Variants in NF1 observed in about 807,000 individuals in gnomAD.
NF1 encodes the protein neurofibromin 1.
A neutral mutation model predicts 325.7 loss-of-function variants in NF1; 122 were observed. The ratio of observed to expected loss-of-function variants is 0.37; its 90% CI spans 0.32 to 0.44. The LOEUF is 0.44. Ranked by LOEUF, NF1 falls within the 20% of genes least tolerant of loss-of-function variation. The pLI is 1.00. For missense variants in NF1, 2,140 were observed against 3,415.4 expected, an observed-to-expected ratio of 0.63 and a Z score of 9.31; for synonymous variants, 1,091 against 1,186.0, an observed-to-expected ratio of 0.92 and a Z score of 1.65.
At chr17:31,306,193 A>G (rs527544431) in intron 36 of NF1, among the ~76,000 whole-genome samples, 3 of 151,916 alleles carry the variant, frequency 2.0e-5, no homozygotes, top group Non-Finnish European at 2.9e-5. Flanking sequence ...TGTTACTCTC[A>G]CTAGCTCTTT....
chr17:31,370,817 C>CCCT (rs2070622115), intron 57 of NF1, among the ~76,000 whole-genome samples: 1 of 152,094 alleles, frequency 6.6e-6, no homozygotes, highest in Non-Finnish European at 1.5e-5. Context: ...TGCTTCATGC[C>CCCT]CCTCCTGCAT....
intron 57 of NF1, chr17:31,367,109 A>T (rs2070539139): frequency 2.4e-6 from 1 of 408,948 alleles, no homozygotes; most frequent in East Asian, 9.5e-5. Context: ...TTAAAACCAG[A>T]TTCCTTCTGA....
chr17:31,160,475 C>T (rs773702761), intron 3 of NF1, among the ~76,000 whole-genome samples: 1 of 152,124 alleles, frequency 6.6e-6, no homozygotes, highest in Admixed American at 6.6e-5. Context: ...TACTTAAAAT[C>T]GAAGGTGAGC....
rs572864077 is a variant in NF1 at position 31,267,145 on chromosome 17, G to A, written c.4835+1806G>A. Among the ~76,000 whole-genome samples the A allele has an allele frequency of 9.9e-5, 15 of 152,140 alleles. No individual in the cohort carries two copies. In the East Asian group the frequency reaches 2.7e-3, roughly 27 times the overall value. On this transcript the variant is annotated intron_variant, in intron 36 of 57. Coordinates refer to ENST00000358273, the MANE Select transcript of NF1 (RefSeq NM_001042492.3). ...GGGGTTTCACCATATTGGCCAGGCT[G>A]GTCTTGAACTCCTGACCTCAGGTGA... is the stretch of plus-strand genomic sequence containing the variant.
chr17:31,307,813 T>C, intron 36 of NF1: 3 of 1,051,164 alleles, frequency 2.9e-6, no homozygotes, highest in Non-Finnish European at 3.9e-6. Flanking sequence ...ACTATAGTTC[T>C]TCTGACTCAT....
rs185054465 is a variant in NF1, at chr17:31,274,269, T to C, written c.4835+8930T>C. ...ATAAAGTAAATTTTTTGAAGGAATT[T>C]TGTCTTTTGGTCAGCCGTTTTCCAT... On this transcript the variant is annotated intron_variant, in intron 36 of 57. Transcript: ENST00000358273. Among the ~76,000 whole-genome samples, 4 of 152,274 alleles carry C rather than the reference T, an allele frequency of 2.6e-5. No individual in the cohort carries two copies. The East Asian group carries it at 5.8e-4, about 22-fold the overall frequency.
intron 12 of NF1, among the ~76,000 whole-genome samples, 189 bp downstream of exon 12, chr17:31,206,560 A>G (rs540113812): frequency 1.8e-4 from 27 of 151,978 alleles, no homozygotes; most frequent in Non-Finnish European, 3.5e-4. Context: ...CACTGTTTCC[A>G]TGAGTTGAAC....
intron 48 of NF1, chr17:31,345,597 C>G (rs1210204033): frequency 6.3e-7 from 1 of 1,592,682 alleles, no homozygotes; most frequent in Non-Finnish European, 8.6e-7. Context: ...GAGGATCGCC[C>G]AGAACTTTGG....
At chr17:31,101,108 G>A (rs894732422) in intron 1 of NF1, among the ~76,000 whole-genome samples, 1 of 151,946 alleles carries the variant, frequency 6.6e-6, no homozygotes, top group Non-Finnish European at 1.5e-5. Context: ...CGCCTCTACT[G>A]TTTATCCACC....
chr17:31,327,707 A>G lies in NF1; in HGVS notation c.5477A>G (p.His1826Arg), dbSNP rs878853902. ...ECEAIVQSIIHIRTRWELSQP... is the reference protein window; with the variant it reads ...ECEAIVQSIIRIRTRWELSQP... ...GAAGCCATTGTCCAGTCTATCATTC[A>G]TATCCGGACCCGCTGGGAACTGTCA... The change falls in exon 38 of 58, where the codon CAT becomes CGT. Residue 1826 changes from histidine to arginine, a missense_variant. Transcript: ENST00000358273. 2 of 1,614,144 alleles carry G rather than the reference A, an allele frequency of 1.2e-6. No individual in the cohort carries two copies. The highest frequency in any genetic ancestry group is 1.7e-6 in the Non-Finnish European group (2 of 1,180,030).
At chr17:31,216,577 C>T (rs1388566686) in intron 13 of NF1, among the ~76,000 whole-genome samples, 4 of 152,076 alleles carry the variant, frequency 2.6e-5, no homozygotes, top group Non-Finnish European at 2.9e-5. Context: ...CAGCTTGCAT[C>T]GTTTCTTAGA....
At chr17:31,186,909 C>T (rs544395587) in intron 8 of NF1, among the ~76,000 whole-genome samples, 1 of 152,308 alleles carries the variant, frequency 6.6e-6, no homozygotes, top group African/African-American at 2.4e-5. Context: ...AACACTGAGC[C>T]CTTGATATGA....
intron 1 of NF1, among the ~76,000 whole-genome samples, chr17:31,098,301 T>TA (rs1344157032): frequency 1.1e-4 from 16 of 152,096 alleles, no homozygotes; most frequent in African/African-American, 3.9e-4. Flanking sequence ...ATCAGGGAGA[T>TA]ACTTTTCCTA....
chr17:31,249,929 A>G (rs911251212), intron 30 of NF1: 6 of 485,918 alleles, frequency 1.2e-5, no homozygotes, highest in African/African-American at 7.8e-5. Context: ...ATCAAAACCC[A>G]TGTCTTTGTG....
At chr17:31,263,462 A>G (rs17883280) in intron 35 of NF1, among the ~76,000 whole-genome samples, 291 of 150,918 alleles carry the variant, frequency 1.9e-3, no homozygotes, top group African/African-American at 6.7e-3. Flanking sequence ...AAATAAGTAA[A>G]AAGAAATATA....
At chr17:31,349,317 C>G (rs2151573238) in intron 49 of NF1, 66 bp downstream of exon 49, 6 of 1,544,268 alleles carry the variant, frequency 3.9e-6, no homozygotes, top group Non-Finnish European at 5.3e-6. Flanking sequence ...CCAAAAAGTA[C>G]AAATACCTAT....
At chr17:31,370,233 G>A (rs7212137) in intron 57 of NF1, among the ~76,000 whole-genome samples, 6,724 of 152,222 alleles carry the variant, frequency 0.044, 492 homozygotes, top group African/African-American at 0.15. Context: ...TTTTGACATA[G>A]TGTTGAAGCT....
intron 36 of NF1, chr17:31,308,036 C>A: frequency 1.6e-6 from 1 of 611,200 alleles, no homozygotes. Flanking sequence ...AAACAGTTCT[C>A]CTTTGAACTC....
At chr17:31,177,141 G>A (rs2066038871) in intron 5 of NF1, among the ~76,000 whole-genome samples, 1 of 152,168 alleles carries the variant, frequency 6.6e-6, no homozygotes, top group African/African-American at 2.4e-5. Context: ...CGATGAGCAT[G>A]GAATGTTTTT....
Sources: allele counts gnomAD v4.1 joint callset (sites outside exome capture counted in the v4.1 genomes callset), GRCh38; gene constraint gnomAD v4.1.1; transcripts MANE v1.5; gene names NCBI Gene and HGNC (gene_info 2026-07-23, HGNC 2026-07-21).